Variants in DOK7 observed in about 807,000 individuals in gnomAD.
The protein encoded by DOK7 is docking protein 7, also known as protein Dok-7.
Under a neutral mutation model 30.7 loss-of-function variants are expected in DOK7, and 32 were observed. The observed-to-expected ratio is 1.04, with a 90% CI of 0.79 to 1.40. DOK7 has a LOEUF of 1.40. DOK7 is among the 40% of genes most tolerant of loss of function. The probability of loss-of-function intolerance (pLI) is 0.00; values close to 1 mark genes in which losing one functional copy is unlikely to be tolerated. For synonymous variants in DOK7, 447 were observed against 324.1 expected, an observed-to-expected ratio of 1.38 and a Z score of -4.07; for missense variants, 1,007 against 699.2, an observed-to-expected ratio of 1.44 and a Z score of -4.97.
At position 3,490,470 on chromosome 4, in the gene DOK7, CTCCCTCTGCTCATTCATTCCTTCCTTT is replaced by C. The variant is rs1416899213; in HGVS notation, c.772+679_772+705del. On this transcript the variant is annotated intron_variant, in intron 6 of 6. Coordinates refer to ENST00000340083, the MANE Select transcript of DOK7 (RefSeq NM_173660.5). ...TCTCCTGCTCATTCATTCCTTTCTT[CTCCCTCTGCTCATTCATTCCTTCCTTT>C]TCCCCCTGCTCATTCTTTCCTTCAC... 4.0e-4 allele frequency among the ~76,000 whole-genome samples: 48 copies of C among 118,748 alleles called. 2 individuals are homozygous for C. The highest frequency in any genetic ancestry group is 1.1e-3 in the African/African-American group (36 of 31,698). 77.9% of individuals were successfully genotyped at this position (118,748 alleles called of 152,430 possible).
chr4:3,496,710 C>T, downstream of DOK7: 1 of 1,275,472 alleles, frequency 7.8e-7, no homozygotes, highest in Non-Finnish European at 1.1e-6. Context: ...ACCCAGGTCC[C>T]CCAGCCTGTG....
At chr4:3,494,701 T>TGTGTGCACGTGTGGC (rs1218378503), downstream of DOK7, among the ~76,000 whole-genome samples, 12 of 152,176 alleles carry the variant, frequency 7.9e-5, no homozygotes. Context: ...GCATGTGTGG[T>TGTGTGCACGTGTGGC]GTGTGCACGT....
At chr4:3,490,151 C>CTTCT (rs1728150019) in intron 6 of DOK7, among the ~76,000 whole-genome samples, 1 of 97,356 alleles carries the variant, frequency 1.0e-5, no homozygotes, top group African/African-American at 5.6e-5. Context: ...TCCTTCCTTC[C>CTTCT]CCACCCTGCT....
In DOK7 at chr4:3,463,493, C is replaced by G. The variant is rs886038744; in HGVS notation, c.55-13C>G. ...GCGCGGGCGGCGGCTCACGCTCCCCCCTGTCCCCGCAGTGGAAGAGTAGGT... is the reference window on the plus strand; with the variant it reads ...GCGCGGGCGGCGGCTCACGCTCCCCGCTGTCCCCGCAGTGGAAGAGTAGGT... On this transcript the variant is annotated splice_polypyrimidine_tract_variant and intron_variant, in intron 1 of 6. Coordinates refer to ENST00000340083, the MANE Select transcript of DOK7 (RefSeq NM_173660.5). 4.0e-6 allele frequency: 6 copies of G among 1,510,314 alleles called. No individual in the cohort carries two copies. Among genetic ancestry groups the G allele is most frequent in the East Asian group, 5.1e-5 (2 of 38,946 alleles). 93.6% of individuals were successfully genotyped at this position (1,510,314 alleles called of 1,614,324 possible).
chr4:3,495,708 T>C (rs562469101), downstream of DOK7, among the ~76,000 whole-genome samples: 42 of 152,238 alleles, frequency 2.8e-4, no homozygotes, highest in Admixed American at 1.2e-3. Context: ...TTGACGGCCC[T>C]GGAGCACCTG....
intron 4 of DOK7, among the ~76,000 whole-genome samples, chr4:3,484,001 C>T (rs543476298): frequency 1.3e-5 from 2 of 152,350 alleles, no homozygotes; most frequent in South Asian, 2.1e-4. Flanking sequence ...TGCCCACCTC[C>T]AATTCTGATC....
Position 3,476,248 on chromosome 4 carries a change from CCCCACCCGCCCGTGATGCCCT to C in DOK7, c.332-92_332-72del, listed in dbSNP as rs1560212334. 4.3e-5 allele frequency: 34 copies of C among 789,000 alleles called. 2 individuals are homozygous for C. Among genetic ancestry groups the C allele is most frequent in the Admixed American group, 6.3e-5 (2 of 31,964 alleles). 48.9% of individuals were successfully genotyped at this position (789,000 alleles called of 1,614,324 possible). On this transcript the variant is annotated intron_variant, in intron 3 of 6. Coordinates refer to ENST00000340083, the MANE Select transcript of DOK7 (RefSeq NM_173660.5). Reference sequence around the variant, plus strand: ...CCCGCCTGCCCGTGATGCCCTCTCACCCCACCCGCCCGTGATGCCCTCTCACCCCACCCGCCCGTGATGTCC... The same window carrying C: ...CCCGCCTGCCCGTGATGCCCTCTCACCTCACCCCACCCGCCCGTGATGTCC...
At chr4:3,492,669 G>A (rs1728557565) in intron 6 of DOK7, 90 bp from the exon 7 acceptor site, 1 of 1,560,064 alleles carries the variant, frequency 6.4e-7, no homozygotes, top group Non-Finnish European at 8.7e-7. Context: ...ACCAGAGAGT[G>A]CTGGCCTGTG....
chr4:3,463,678 C>CG, intron 2 of DOK7, 127 bp downstream of exon 2: 1 of 1,245,134 alleles, frequency 8.0e-7, no homozygotes, highest in Non-Finnish European at 1.1e-6. Flanking sequence ...CCGAGAGCCC[C>CG]GTGCGGACCC....
chr4:3,470,146 C>T (rs1429016264), intron 2 of DOK7, among the ~76,000 whole-genome samples: 1 of 152,222 alleles, frequency 6.6e-6, no homozygotes, highest in Non-Finnish European at 1.5e-5. Flanking sequence ...TCCTGTTAGA[C>T]ACAGGTGTCC....
chr4:3,490,380 ACCCCCTG>A (rs1396099403), intron 6 of DOK7, among the ~76,000 whole-genome samples: 2 of 28,866 alleles, frequency 6.9e-5, no homozygotes, highest in Admixed American at 4.0e-4. Context: ...CCTTCCCCCC[ACCCCCTG>A]CTCATTCAGT....
At chr4:3,485,465 C>G in intron 4 of DOK7, 74 bp from the exon 5 acceptor site, 1 of 1,418,320 alleles carries the variant, frequency 7.1e-7, no homozygotes. Context: ...GCTGCGGTTT[C>G]CTGTGTTCCT....
At chr4:3,492,544 A>G (rs932830054) in intron 6 of DOK7, among the ~76,000 whole-genome samples, 3 of 152,122 alleles carry the variant, frequency 2.0e-5, no homozygotes, top group African/African-American at 4.8e-5. Context: ...CAGGTGGCAG[A>G]AGGACAGGAA....
At chr4:3,480,405 C>G (rs938312313) in intron 4 of DOK7, among the ~76,000 whole-genome samples, 4 of 152,068 alleles carry the variant, frequency 2.6e-5, no homozygotes, top group Non-Finnish European at 4.4e-5. Context: ...GTCAGGAGTT[C>G]GAGATCAGCC....
Position 3,493,688 on chromosome 4 carries a change from G to T in DOK7, c.*187G>T. The T allele has an allele frequency of 6.9e-7, 1 of 1,442,186 alleles. No individual in the cohort carries two copies. The highest frequency in any genetic ancestry group is 1.5e-5 in the South Asian group (1 of 67,082). 89.3% of individuals were successfully genotyped at this position (1,442,186 alleles called of 1,614,324 possible). A position where few individuals can be genotyped will look rare whatever the true frequency, so the allele number is the denominator to read the frequency against. On this transcript the variant is annotated 3_prime_UTR_variant, in exon 7 of 7. Transcript: ENST00000340083. The stretch of plus-strand genomic sequence containing the variant: ...CCGGAGGAAGGGGCTGACTTGGGGA[G>T]GTGAGTTCTGGAAGGCAGGGGCTCT...
At chr4:3,465,743 C>T (rs552568948) in intron 2 of DOK7, among the ~76,000 whole-genome samples, 1 of 152,338 alleles carries the variant, frequency 6.6e-6, no homozygotes, top group East Asian at 1.9e-4. Context: ...TGCAGGGTGC[C>T]CTGCAGTGGG....
intron 5 of DOK7, among the ~76,000 whole-genome samples, chr4:3,489,089 G>A (rs1727997769): frequency 6.6e-6 from 1 of 152,220 alleles, no homozygotes; most frequent in South Asian, 2.1e-4. Flanking sequence ...AATAGAGAAG[G>A]CGAGGCTGGT....
intron 6 of DOK7, among the ~76,000 whole-genome samples, chr4:3,490,404 T>TTCTCTCCTGC (rs1728222345): frequency 5.5e-5 from 3 of 54,368 alleles, no homozygotes; most frequent in Non-Finnish European, 6.7e-5. Context: ...CAGTCCTTCT[T>TTCTCTCCTGC]TCACCCCCCC....
At chr4:3,495,256 G>A (rs192555075), downstream of DOK7, among the ~76,000 whole-genome samples, 258 of 152,352 alleles carry the variant, frequency 1.7e-3, 2 homozygotes, top group African/African-American at 5.9e-3. Context: ...GGAGGTGGCC[G>A]CGCCAGTCTT....
Sources: allele counts gnomAD v4.1 joint callset (sites outside exome capture counted in the v4.1 genomes callset), GRCh38; gene constraint gnomAD v4.1.1; transcripts MANE v1.5; gene names NCBI Gene and HGNC (gene_info 2026-07-23, HGNC 2026-07-21).